The following LNPEP variants were observed in gnomAD, a reference collection of about 807,000 sequenced individuals.
The protein encoded by LNPEP is leucyl-cystinyl aminopeptidase.
Under a neutral mutation model 120.6 loss-of-function variants are expected in LNPEP, and 64 were observed. The ratio of observed to expected loss-of-function variants is 0.53; its 90% CI spans 0.43 to 0.65. The LOEUF (loss-of-function observed/expected upper bound fraction) is 0.65, where lower values mean the gene tolerates loss of function less well. LNPEP is among the 30% of genes least tolerant of loss of function. The probability of loss-of-function intolerance (pLI) is 0.00; values close to 1 mark genes in which losing one functional copy is unlikely to be tolerated. For synonymous variants in LNPEP, 435 were observed against 425.4 expected (o/e 1.02, Z -0.28); for missense variants, 1,057 against 1,200.0 (o/e 0.88, Z 1.76).
chr5:96,995,719 C>G (rs78153581), intron 6 of LNPEP, among the ~76,000 whole-genome samples: 5,711 of 152,192 alleles, frequency 0.038, 184 homozygotes, highest in Middle Eastern at 0.11. Context: ...GACAGAGTCT[C>G]TCTATGTTGC....
chr5:96,951,485 C>G (rs963316233), intron 1 of LNPEP, among the ~76,000 whole-genome samples: 7 of 152,104 alleles, frequency 4.6e-5, no homozygotes, highest in Non-Finnish European at 1.0e-4. Context: ...GTCTCGATCT[C>G]CTGACCTCGT....
chr5:96,961,744 C>T (rs1382389954), intron 1 of LNPEP, among the ~76,000 whole-genome samples: 3 of 151,966 alleles, frequency 2.0e-5, no homozygotes, highest in Non-Finnish European at 4.4e-5. Context: ...CTTTAGATTA[C>T]TTACAAAACA....
At chr5:97,026,898 G>T in intron 16 of LNPEP, 141 bp downstream of exon 16, 1 of 646,908 alleles carries the variant, frequency 1.5e-6, no homozygotes, top group African/African-American at 1.8e-5. Flanking sequence ...GAAACATCCG[G>T]AAATTTTCAC....
At chr5:96,947,326 A>G (rs2112563018) in intron 1 of LNPEP, among the ~76,000 whole-genome samples, 1 of 152,342 alleles carries the variant, frequency 6.6e-6, no homozygotes, top group South Asian at 2.1e-4. Context: ...ATAAATGTAA[A>G]TAATTTAACC....
chr5:96,943,781 A>G (rs770595236), intron 1 of LNPEP, among the ~76,000 whole-genome samples: 2 of 152,234 alleles, frequency 1.3e-5, no homozygotes, highest in Non-Finnish European at 2.9e-5. Flanking sequence ...ATCAAGTTCA[A>G]TTGTAGGAGA....
At chr5:96,987,969 C>T (rs1790281283) in intron 4 of LNPEP, among the ~76,000 whole-genome samples, 1 of 152,202 alleles carries the variant, frequency 6.6e-6, no homozygotes. Flanking sequence ...CTCCATGAAG[C>T]ATTTCTTTCT....
Position 96,966,188 on chromosome 5 carries a change from C to T in LNPEP, c.20-12950C>T, listed in dbSNP as rs111710516. On this transcript the variant is annotated intron_variant, in intron 1 of 17. Coordinates refer to ENST00000231368, the MANE Select transcript of LNPEP (RefSeq NM_005575.3). ...CTGCGATTAGACTTCATAAATATAA[C>T]GCAGTAGAGAATTTGAAAGTGATGG... Among the ~76,000 whole-genome samples the T allele has an allele frequency of 7.2e-4, 109 of 152,062 alleles. 1 individual carries two copies. Among genetic ancestry groups the T allele is most frequent in the African/African-American group, 2.2e-3 (93 of 41,492 alleles).
chr5:96,961,707 C>T (rs533212514), intron 1 of LNPEP, among the ~76,000 whole-genome samples: 10 of 152,118 alleles, frequency 6.6e-5, no homozygotes, highest in South Asian at 2.1e-4. Context: ...CCAGTTTACA[C>T]GAATCATCCC....
intron 1 of LNPEP, among the ~76,000 whole-genome samples, chr5:96,939,920 A>G (rs1789013472): frequency 6.6e-6 from 1 of 152,154 alleles, no homozygotes; most frequent in African/African-American, 2.4e-5. Flanking sequence ...AGCATACCAC[A>G]TTTTGTTTTT....
chr5:96,974,208 G>C (rs1362195243), intron 1 of LNPEP, among the ~76,000 whole-genome samples: 1 of 151,998 alleles, frequency 6.6e-6, no homozygotes, highest in African/African-American at 2.4e-5. Context: ...CTCTCCTATG[G>C]CACCTGTCCC....
chr5:96,981,300 T>A (rs1337686856), intron 2 of LNPEP, among the ~76,000 whole-genome samples: 1 of 152,142 alleles, frequency 6.6e-6, no homozygotes, highest in East Asian at 1.9e-4. Context: ...ATCTAAACAT[T>A]TACCTGGAAT....
intron 9 of LNPEP, 32 bp from the exon 10 acceptor site, chr5:97,006,041 A>T: frequency 1.3e-6 from 1 of 760,582 alleles, no homozygotes; most frequent in Non-Finnish European, 1.7e-6. Flanking sequence ...TTTAAGGAAA[A>T]AGTTTTATAT....
intron 2 of LNPEP, 23 bp from the exon 3 acceptor site, chr5:96,985,057 G>T: frequency 6.2e-7 from 1 of 1,613,130 alleles, no homozygotes; most frequent in East Asian, 2.2e-5. Flanking sequence ...GTAACTACTG[G>T]ATTGAATTTG....
intron 11 of LNPEP, among the ~76,000 whole-genome samples, chr5:97,012,678 A>G (rs1360547353): frequency 6.6e-6 from 1 of 152,172 alleles, no homozygotes; most frequent in Non-Finnish European, 1.5e-5. Flanking sequence ...GCCAACTTTA[A>G]AAGACATTTC....
At chr5:96,985,806 A>C (rs1415593753) in intron 3 of LNPEP, among the ~76,000 whole-genome samples, 1 of 150,296 alleles carries the variant, frequency 6.7e-6, no homozygotes, top group Non-Finnish European at 1.5e-5. Flanking sequence ...GCAGCTTGAT[A>C]GGAGCCTCCT....
At chr5:96,959,662 T>C (rs1789551912) in intron 1 of LNPEP, among the ~76,000 whole-genome samples, 3 of 152,198 alleles carry the variant, frequency 2.0e-5, no homozygotes, top group Admixed American at 6.5e-5. Context: ...TTAGTAGATA[T>C]GATTGATTTA....
At chr5:96,981,753 AAGAGAC>A (rs1292330965) in intron 2 of LNPEP, among the ~76,000 whole-genome samples, 1 of 152,200 alleles carries the variant, frequency 6.6e-6, no homozygotes, top group African/African-American at 2.4e-5. Context: ...CATGTGATCT[AAGAGAC>A]AGAGACAGTC....
chr5:96,991,479 A>AT (rs887886713), intron 4 of LNPEP, among the ~76,000 whole-genome samples: 13 of 151,604 alleles, frequency 8.6e-5, no homozygotes, highest in East Asian at 5.8e-4. Flanking sequence ...TTATTTTCTG[A>AT]TTTTTTTTGG....
At chr5:96,972,432 C>A (rs1789889116) in intron 1 of LNPEP, among the ~76,000 whole-genome samples, 1 of 152,074 alleles carries the variant, frequency 6.6e-6, no homozygotes, top group Non-Finnish European at 1.5e-5. Context: ...CACTGCTTGA[C>A]CTCTAGTATT....
Sources: gnomAD v4.1 joint callset for allele counts (sites outside exome capture counted in the v4.1 genomes callset) on GRCh38, gnomAD v4.1.1 for gene constraint, MANE v1.5 for transcripts, NCBI Gene and HGNC (gene_info 2026-07-23, HGNC 2026-07-21) for gene names.